Variants in CPLANE1 observed in about 807,000 individuals in gnomAD.
CPLANE1 encodes ciliogenesis and planar polarity effector 1.
CPLANE1 carries 263 observed loss-of-function variants against 362.5 expected under a neutral mutation model. The observed-to-expected ratio is 0.73, with a 90% CI of 0.66 to 0.80. CPLANE1 has a LOEUF of 0.80. CPLANE1 is among the 30% of genes least tolerant of loss of function. The pLI is 0.00. For missense variants in CPLANE1, 3,461 were observed against 3,793.4 expected, an observed-to-expected ratio of 0.91 and a Z score of 2.30; for synonymous variants, 1,212 against 1,302.6, an observed-to-expected ratio of 0.93 and a Z score of 1.50.
chr5:37,147,750 A>AC (rs1772109383), intron 43 of CPLANE1, among the ~76,000 whole-genome samples: 1 of 152,112 alleles, frequency 6.6e-6, no homozygotes, highest in African/African-American at 2.4e-5. Context: ...CATTCTTTCA[A>AC]TAAAAAATGA....
intron 46 of CPLANE1, among the ~76,000 whole-genome samples, chr5:37,132,118 G>A (rs1439756902): frequency 2.6e-5 from 4 of 151,876 alleles, no homozygotes; most frequent in East Asian, 1.9e-4. Context: ...CAGATACATC[G>A]AATAATAGAA....
At position 37,244,467 on chromosome 5, in the gene CPLANE1, G is replaced by A. The variant is rs754258488; in HGVS notation, c.478C>T (p.Arg160Trp). The A allele has an allele frequency of 1.7e-5, 26 of 1,551,118 alleles. No individual in the cohort carries two copies. The highest frequency in any genetic ancestry group is 1.2e-4 in the South Asian group (10 of 84,016). ...TCTTCAGGTATGACCTGGGACCACC[G>A]ACCCGCCAATGAAAGGCTTTTAGAA... is the stretch of plus-strand genomic sequence containing the variant. ...LSSKSLSLAG[R>W]WSQVIPEEAV... is the part of the protein sequence containing the mutation. The change falls in exon 5 of 53, where the codon CGG becomes TGG. Residue 160 changes from arginine (R) to tryptophan (W), a missense_variant. Arg to Trp is a moderately radical substitution (Grantham distance 101, BLOSUM62 -3). Around this residue, in one of 2 missense-constraint regions of CPLANE1, gnomAD observed 3,380 missense variants for 3,666.1 expected, o/e 0.92. Transcript: ENST00000651892.
In CPLANE1 at chr5:37,205,559, T is replaced by C; in HGVS notation, c.3150-105A>G. The stretch of plus-strand genomic sequence containing the variant: ...TGAAAGTTTAAGAAACAATGGAATT[T>C]ACTTTTTTATCTATCGTACATGTAA... On this transcript the variant is annotated intron_variant, in intron 17 of 52. Transcript: ENST00000651892. 7.9e-6 allele frequency: 6 copies of C among 763,644 alleles called. No individual in the cohort carries two copies. The South Asian group carries it at 1.3e-4, about 17-fold the overall frequency. The allele number at this position is 763,644 out of a possible 1,614,324, so 47.3% of individuals were successfully genotyped here. A position where few individuals can be genotyped will look rare whatever the true frequency, so the allele number is the denominator to read the frequency against.
At position 37,107,504 on chromosome 5, in the gene CPLANE1, G is replaced by T; in HGVS notation, c.*98C>A. ...TGAAAGCAAATGGAAAATTCACATT[G>T]CTTCTTTCATTGCTTCTGTCCCTTA... On this transcript the variant is annotated 3_prime_UTR_variant, in exon 53 of 53. Coordinates refer to ENST00000651892, the MANE Select transcript of CPLANE1 (RefSeq NM_001384732.1). The T allele has an allele frequency of 1.5e-6, 2 of 1,329,754 alleles. No homozygotes were observed. The highest frequency in any genetic ancestry group is 1.9e-6 in the Non-Finnish European group (2 of 1,031,850). 82.4% of individuals were successfully genotyped at this position (1,329,754 alleles called of 1,614,324 possible). A position where few individuals can be genotyped will look rare whatever the true frequency, so the allele number is the denominator to read the frequency against.
chr5:37,142,728 T>A (rs181044632), intron 43 of CPLANE1: 2 of 261,796 alleles, frequency 7.6e-6, no homozygotes, highest in Non-Finnish European at 1.4e-5. Context: ...CATAAAAACA[T>A]AGACATGCTA....
At chr5:37,166,359 T>TTCTTTA (rs1778237384) in intron 35 of CPLANE1, among the ~76,000 whole-genome samples, 1 of 152,110 alleles carries the variant, frequency 6.6e-6, no homozygotes, top group South Asian at 2.1e-4. Flanking sequence ...AAGAATACGG[T>TTCTTTA]AAGATGATTG....
At chr5:37,201,959 TAC>T (rs1294707132) in intron 18 of CPLANE1, among the ~76,000 whole-genome samples, 151 bp from the exon 19 acceptor site, 3 of 152,136 alleles carry the variant, frequency 2.0e-5, no homozygotes, top group Non-Finnish European at 4.4e-5. Flanking sequence ...AGACAGAAAT[TAC>T]AAACTATCTT....
chr5:37,088,422 C>T, the CPLANE1 span, among the ~76,000 whole-genome samples: 6 of 152,230 alleles, frequency 3.9e-5, no homozygotes, highest in East Asian at 1.2e-3. Context: ...GGAGAGAAAC[C>T]CAAATTGTTT....
Position 37,224,649 on chromosome 5 carries a change from TTAAC to T in CPLANE1, c.2379_2382del (p.Thr795LysfsTer3). On this transcript the variant is annotated frameshift_variant, in exon 13 of 53. Transcript: ENST00000651892. ...GATGCTTCATGTGTCATCTTTTCAG[TTAAC>T]TGACTATCAGCTTCAGGAACTCTTC... 1 of 1,551,528 alleles carries T rather than the reference TTAAC, an allele frequency of 6.4e-7. No individual in the cohort carries two copies. Among genetic ancestry groups the T allele is most frequent in the Non-Finnish European group, 8.7e-7 (1 of 1,146,824 alleles).
At chr5:37,232,836 T>C (rs1437057548) in intron 8 of CPLANE1, among the ~76,000 whole-genome samples, 18 of 126,844 alleles carry the variant, frequency 1.4e-4, no homozygotes, top group Admixed American at 3.1e-4. Context: ...CAAGACCTTG[T>C]TGCAAAAAAA....
intron 5 of CPLANE1, among the ~76,000 whole-genome samples, chr5:37,243,518 A>G (rs1430814781): frequency 6.6e-6 from 1 of 151,906 alleles, no homozygotes; most frequent in East Asian, 1.9e-4. Flanking sequence ...TGGTCCACAC[A>G]TACGAAGAAT....
intron 31 of CPLANE1, among the ~76,000 whole-genome samples, chr5:37,175,640 TA>T (rs1416878516): frequency 6.6e-6 from 1 of 152,194 alleles, no homozygotes; most frequent in African/African-American, 2.4e-5. Flanking sequence ...CATCTTTCAA[TA>T]ATATATCACT....
intron 47 of CPLANE1, among the ~76,000 whole-genome samples, chr5:37,124,512 G>A (rs969536607): frequency 6.6e-6 from 1 of 152,072 alleles, no homozygotes; most frequent in Admixed American, 6.6e-5. Context: ...TTCTTTGTAG[G>A]TAACTTATGA....
intron 23 of CPLANE1, among the ~76,000 whole-genome samples, chr5:37,186,635 G>T (rs1040787976): frequency 6.6e-6 from 1 of 152,134 alleles, no homozygotes; most frequent in Non-Finnish European, 1.5e-5. Context: ...ACAATGTGAT[G>T]ATTTAATATA....
intron 15 of CPLANE1, among the ~76,000 whole-genome samples, chr5:37,219,121 A>G (rs1417528852): frequency 6.6e-6 from 1 of 152,088 alleles, no homozygotes; most frequent in African/African-American, 2.4e-5. Context: ...CACACCTATA[A>G]CCCCAGCATT....
Position 37,187,759 on chromosome 5 carries a change from C to T in CPLANE1, c.3895G>A (p.Ala1299Thr), listed in dbSNP as rs759784464. 1 of 1,613,618 alleles carries T rather than the reference C, an allele frequency of 6.2e-7. No individual in the cohort carries two copies. Among genetic ancestry groups the T allele is most frequent in the Admixed American group, 1.7e-5 (1 of 59,996 alleles). Residue 1299 changes from alanine to threonine, a missense_variant, in exon 22 of 53, where the codon GCA (alanine) becomes ACA (threonine). By Grantham distance (58) the Ala-to-Thr change is moderately conservative. This residue lies in a region of CPLANE1 where 3,380 missense variants were observed against 3,666.1 expected (regional missense o/e 0.92). Transcript: ENST00000651892. Reference sequence around the variant, plus strand: ...TTTTCTCCTTTTACATTTTCTCTTGCTTTCTGATATTGCCTGCAACTATAG... The same window carrying T: ...TTTTCTCCTTTTACATTTTCTCTTGTTTTCTGATATTGCCTGCAACTATAG... Reference protein sequence around the residue: ...LSYSCRQYQKARENVKGEKDL... With the variant: ...LSYSCRQYQKTRENVKGEKDL...
chr5:37,242,880 C>A, intron 6 of CPLANE1, 133 bp downstream of exon 6: 1 of 588,802 alleles, frequency 1.7e-6, no homozygotes. Flanking sequence ...TGGCACAAAC[C>A]TGTAGTCACA....
At chr5:37,149,754 G>A (rs755854188) in intron 42 of CPLANE1, among the ~76,000 whole-genome samples, 26 of 151,952 alleles carry the variant, frequency 1.7e-4, no homozygotes, top group Admixed American at 7.2e-4. Context: ...CAGAAACCTC[G>A]GAAAACAAAA....
At chr5:37,145,622 A>G (rs1398881776) in intron 43 of CPLANE1, among the ~76,000 whole-genome samples, 3 of 152,146 alleles carry the variant, frequency 2.0e-5, no homozygotes, top group Non-Finnish European at 1.5e-5. Flanking sequence ...CTCACCTATG[A>G]ATGTTAAAAA....
Sources: gnomAD v4.1 joint callset for allele counts (sites outside exome capture counted in the v4.1 genomes callset) on GRCh38, gnomAD v4.1.1 for gene constraint, gnomAD v4.1.1 regional missense constraint, MANE v1.5 for transcripts, NCBI Gene and HGNC (gene_info 2026-07-23, HGNC 2026-07-21) for gene names.